Variants in GAK observed in about 807,000 individuals in gnomAD.
GAK encodes cyclin G associated kinase.
Under a neutral mutation model 143.9 loss-of-function variants are expected in GAK, and 79 were observed. The observed-to-expected ratio is 0.55, with a 90% CI of 0.46 to 0.66. GAK has a LOEUF of 0.66. Among genes scored for constraint, GAK ranks in the 30% least tolerant of loss-of-function variants. GAK has a pLI of 0.00. For missense variants in GAK, 1,693 were observed against 1,779.7 expected, an observed-to-expected ratio of 0.95 and a Z score of 0.88; for synonymous variants, 881 against 765.5, an observed-to-expected ratio of 1.15 and a Z score of -2.49.
At chr4:868,480 G>T (rs2152751821) in intron 20 of GAK, 59 bp downstream of exon 20, 2 of 1,565,944 alleles carry the variant, frequency 1.3e-6, no homozygotes, top group Middle Eastern at 2.2e-4. Context: ...TGCCCCAGGG[G>T]CACCTCCAGA....
At chr4:870,238 A>T (rs1431260182) in intron 19 of GAK, among the ~76,000 whole-genome samples, 1 of 152,344 alleles carries the variant, frequency 6.6e-6, no homozygotes, top group South Asian at 2.1e-4. Flanking sequence ...GCGTGGCATG[A>T]GCAGTGGACG....
At chr4:862,628 A>G (rs1750499558) in intron 23 of GAK, among the ~76,000 whole-genome samples, 1 of 151,766 alleles carries the variant, frequency 6.6e-6, no homozygotes, top group African/African-American at 2.4e-5. Flanking sequence ...ACTGCACTCC[A>G]GCCTGGGCGA....
intron 15 of GAK, 116 bp downstream of exon 15, chr4:881,791 T>G: frequency 7.7e-7 from 1 of 1,295,760 alleles, no homozygotes; most frequent in Non-Finnish European, 1.0e-6. Context: ...GGGCCTGCCT[T>G]TCCCACCAGC....
chr4:925,474 C>T (rs1232373895), intron 1 of GAK, among the ~76,000 whole-genome samples: 1 of 152,208 alleles, frequency 6.6e-6, no homozygotes, highest in Non-Finnish European at 1.5e-5. Flanking sequence ...TTTTAATCAA[C>T]TCGGCCTCTT....
rs139283842 is a variant in GAK, at chr4:882,760, G to A, written c.1464C>T (p.Ile488=). The A allele has an allele frequency of 5.0e-6, 8 of 1,612,242 alleles. No individual in the cohort carries two copies. The African/African-American group carries it at 1.1e-4, about 22-fold the overall frequency. ...GCAGCCAGGCGTGCATGTTCCTGCA[G>A]ATGTTGTACAGGGTGTGCAGGTGTG... ...RAPHLHTLYN[I]CRNMHAWLRQ... The change falls in exon 14 of 28, where the codon ATC becomes ATT. Residue 488 remains isoleucine (I), a synonymous_variant. Coordinates refer to ENST00000314167, the MANE Select transcript of GAK (RefSeq NM_005255.4).
At chr4:919,212 C>T (rs1723537486) in intron 1 of GAK, among the ~76,000 whole-genome samples, 1 of 150,824 alleles carries the variant, frequency 6.6e-6, no homozygotes, top group Non-Finnish European at 1.5e-5. Flanking sequence ...CTTAGCAGGA[C>T]AGAAGGCTCC....
intron 15 of GAK, among the ~76,000 whole-genome samples, chr4:878,865 G>A (rs1714526445): frequency 6.6e-6 from 1 of 152,172 alleles, no homozygotes; most frequent in African/African-American, 2.4e-5. Context: ...GAGCTTGTGC[G>A]GGCCAGGCAG....
At chr4:918,836 A>G (rs1369541699) in intron 1 of GAK, among the ~76,000 whole-genome samples, 1 of 151,304 alleles carries the variant, frequency 6.6e-6, no homozygotes, top group Non-Finnish European at 1.5e-5. Context: ...AGAAGGCTCC[A>G]AAGGCCTCAG....
chr4:914,374 A>G (rs1487647178), intron 1 of GAK, among the ~76,000 whole-genome samples: 4 of 57,522 alleles, frequency 7.0e-5, no homozygotes, highest in South Asian at 7.8e-4. Flanking sequence ...CGGCCCCCAC[A>G]CACACAGCCC....
At chr4:853,146 T>C (rs1748484759) in intron 24 of GAK, 1 of 152,094 alleles carries the variant, frequency 6.6e-6, no homozygotes, top group African/African-American at 2.4e-5. Context: ...CTTAGTTATG[T>C]TCTAGAAGGG....
chr4:851,865 C>T lies in GAK; in HGVS notation c.3393G>A (p.Trp1131Ter). Residue 1131 changes from tryptophan (W) to a stop codon, truncating the protein, a stop_gained, in exon 25 of 28, where the codon TGG becomes TGA. Coordinates refer to ENST00000314167, the MANE Select transcript of GAK (RefSeq NM_005255.4). LOFTEE classifies it high-confidence loss of function. ...TSRPPAQGASWPPQAKPPPKA... is the reference protein window; with the variant it reads ...TSRPPAQGAS ...TGGGGGGCGGCTTGGCCTGAGGGGG[C>T]CATGAGGCGCCCTGGGCTGGCGGCC... 6.2e-7 allele frequency: 1 copy of T among 1,608,700 alleles called. No individual in the cohort carries two copies. The highest frequency in any genetic ancestry group is 8.5e-7 in the Non-Finnish European group (1 of 1,176,842).
chr4:872,189 T>C (rs948010303), intron 18 of GAK: 2 of 152,196 alleles, frequency 1.3e-5, no homozygotes, highest in African/African-American at 4.8e-5. Flanking sequence ...AGTTCACCCC[T>C]TCCTGCTCAC....
chr4:870,871 T>C lies in GAK; in HGVS notation c.2088A>G (p.Lys696=). 1 of 1,613,710 alleles carries C rather than the reference T, an allele frequency of 6.2e-7. No individual in the cohort carries two copies. Among genetic ancestry groups the C allele is most frequent in the African/African-American group, 1.3e-5 (1 of 75,032 alleles). ...GGTTCACTTGAAATAAATCCGGGTA[T>C]TTTTCTTGAATGTCACACGCGTCCA... ...YDLDACDIQE[K]YPDLFQVNLE... The change falls in exon 19 of 28, where the codon AAA becomes AAG. Residue 696 remains lysine, a synonymous_variant. Transcript: ENST00000314167.
intron 24 of GAK, chr4:852,198 G>A (rs1410625052): frequency 3.3e-6 from 2 of 605,302 alleles, no homozygotes; most frequent in Non-Finnish European, 5.9e-6. Context: ...TCTGGATGGA[G>A]GGCAGACACC....
At chr4:890,894 A>T (rs1399697491) in intron 9 of GAK, among the ~76,000 whole-genome samples, 2 of 151,166 alleles carry the variant, frequency 1.3e-5, no homozygotes, top group Admixed American at 1.3e-4. Context: ...CTCTTGGGCT[A>T]CAGCTTCTGT....
chr4:850,463 G>A (rs1038660274), intron 26 of GAK: 30 of 206,622 alleles, frequency 1.5e-4, no homozygotes, highest in Admixed American at 1.4e-3. Flanking sequence ...GCTGGGCATC[G>A]GCCAAGCCAC....
chr4:888,697 T>C lies in GAK; in HGVS notation c.1205+150A>G. 5 of 916,524 alleles carry C rather than the reference T, an allele frequency of 5.5e-6. No individual in the cohort carries two copies. The South Asian group carries it at 7.0e-5, about 13-fold the overall frequency. The allele number at this position is 916,524 out of a possible 1,614,324, so 56.8% of individuals were successfully genotyped here. ...GGATGCTGGGCTCATTCCGACTCCCTGGGAGAAGCGGGTGATGCTGTCCCA... is the reference window on the plus strand; with the variant it reads ...GGATGCTGGGCTCATTCCGACTCCCCGGGAGAAGCGGGTGATGCTGTCCCA... On this transcript the variant is annotated intron_variant, in intron 11 of 27. Transcript: ENST00000314167.
At chr4:921,554 A>C (rs1289274893) in intron 1 of GAK, among the ~76,000 whole-genome samples, 1 of 152,240 alleles carries the variant, frequency 6.6e-6, no homozygotes, top group Non-Finnish European at 1.5e-5. Flanking sequence ...ACTTTCAGAA[A>C]AACACAGGAG....
At chr4:901,290 G>T (rs1205151800) in intron 5 of GAK, among the ~76,000 whole-genome samples, 1 of 152,068 alleles carries the variant, frequency 6.6e-6, no homozygotes, top group Non-Finnish European at 1.5e-5. Context: ...CACGGCCTTG[G>T]ATCCCCCACC....
Sources: allele counts gnomAD v4.1 joint callset (sites outside exome capture counted in the v4.1 genomes callset), GRCh38; gene constraint gnomAD v4.1.1; transcripts MANE v1.5; gene names NCBI Gene and HGNC (gene_info 2026-07-23, HGNC 2026-07-21).